ADIPOR2: variants seen among roughly 807,000 people sequenced by gnomAD.
The protein encoded by ADIPOR2 is adiponectin receptor protein 2.
In ADIPOR2, 18 loss-of-function variants were observed where a neutral mutation model predicts 40.9. The ratio of observed to expected loss-of-function variants is 0.44; its 90% CI spans 0.30 to 0.65. The LOEUF is 0.65. Among genes scored for constraint, ADIPOR2 ranks in the 30% least tolerant of loss-of-function variants. The pLI, the probability that ADIPOR2 is intolerant of heterozygous loss-of-function variation, is 0.09. For missense variants in ADIPOR2, 283 were observed against 479.2 expected (o/e 0.59, Z 3.82); for synonymous variants, 165 against 166.4 (o/e 0.99, Z 0.06).
intron 1 of ADIPOR2, among the ~76,000 whole-genome samples, chr12:1,734,972 G>A (rs2094727430): frequency 6.6e-6 from 1 of 152,168 alleles, no homozygotes; most frequent in Admixed American, 6.5e-5. Context: ...TTTGGTACCA[G>A]TACCATGCTG....
intron 2 of ADIPOR2, among the ~76,000 whole-genome samples, chr12:1,761,568 A>G (rs1047510946): frequency 6.6e-6 from 1 of 152,238 alleles, no homozygotes; most frequent in Non-Finnish European, 1.5e-5. Context: ...GTGTGAAACG[A>G]TATTTCATCA....
At chr12:1,695,391 C>T (rs576510283) in intron 1 of ADIPOR2, among the ~76,000 whole-genome samples, 11 of 151,214 alleles carry the variant, frequency 7.3e-5, no homozygotes, top group South Asian at 2.1e-4. Flanking sequence ...TGGTGGCTAA[C>T]GTCGGTAATC....
rs1407819723 is a variant in ADIPOR2, at chr12:1,788,467, C to T, written c.*2395C>T. Reference sequence around the variant, plus strand: ...TTTGGCCCTAGGCTGGTTGGGACCTCTACAGCTTCATTCTTTCACCATTAA... The same window carrying T: ...TTTGGCCCTAGGCTGGTTGGGACCTTTACAGCTTCATTCTTTCACCATTAA... On this transcript the variant is annotated 3_prime_UTR_variant, in exon 8 of 8. Transcript: ENST00000357103. 7.9e-5 allele frequency: 12 copies of T among 152,658 alleles called. No homozygotes were observed. The highest frequency in any genetic ancestry group is 2.4e-4 in the African/African-American group (10 of 41,438). The allele number at this position is 152,658 out of a possible 1,614,324, so 9.5% of individuals were successfully genotyped here.
intron 2 of ADIPOR2, among the ~76,000 whole-genome samples, chr12:1,759,016 A>G (rs1161670071): frequency 6.6e-6 from 1 of 152,238 alleles, no homozygotes; most frequent in Non-Finnish European, 1.5e-5. Flanking sequence ...TGCCGAACAA[A>G]GCTGCCTTTA....
chr12:1,732,881 C>G (rs1592596510), intron 1 of ADIPOR2, among the ~76,000 whole-genome samples: 1 of 151,890 alleles, frequency 6.6e-6, no homozygotes, highest in South Asian at 2.1e-4. Flanking sequence ...TCCATTTTCC[C>G]CTGCCTTAAT....
chr12:1,775,068 C>T (rs1473106463), intron 3 of ADIPOR2, among the ~76,000 whole-genome samples: 1 of 150,124 alleles, frequency 6.7e-6, no homozygotes, highest in East Asian at 2.0e-4. Flanking sequence ...CATCTCCTGA[C>T]CTCGTGATCT....
chr12:1,736,275 T>G (rs1320389728), intron 1 of ADIPOR2, among the ~76,000 whole-genome samples: 1 of 152,234 alleles, frequency 6.6e-6, no homozygotes, highest in African/African-American at 2.4e-5. Flanking sequence ...TTTCAGAGCC[T>G]GTTATTGGTT....
chr12:1,717,101 G>A (rs182898380), intron 1 of ADIPOR2, among the ~76,000 whole-genome samples: 78 of 152,332 alleles, frequency 5.1e-4, no homozygotes, highest in Admixed American at 1.8e-3. Flanking sequence ...AAGTTGAGAT[G>A]AGTCAACTTG....
intron 2 of ADIPOR2, chr12:1,757,594 G>A: frequency 8.4e-7 from 1 of 1,184,156 alleles, no homozygotes; most frequent in South Asian, 1.2e-5. Flanking sequence ...ATGGTGCCGG[G>A]CATCATGAGT....
chr12:1,757,129 G>T, intron 2 of ADIPOR2: 1 of 256,092 alleles, frequency 3.9e-6, no homozygotes, highest in South Asian at 8.3e-5. Flanking sequence ...AAGAATTTCA[G>T]GCTAGCCAAT....
intron 1 of ADIPOR2, 39 bp downstream of exon 1, chr12:1,691,230 T>C (rs1175088622): frequency 6.6e-6 from 1 of 150,802 alleles, no homozygotes; most frequent in East Asian, 2.0e-4. Flanking sequence ...GTCTCTGGAG[T>C]GTGGGCGCCG....
chr12:1,769,487 A>G (rs778998185), intron 2 of ADIPOR2, among the ~76,000 whole-genome samples: 13 of 152,250 alleles, frequency 8.5e-5, no homozygotes, highest in Non-Finnish European at 1.8e-4. Context: ...ATACAAGGGT[A>G]GGAATTGGTC....
At chr12:1,765,749 A>C (rs1309840053) in intron 2 of ADIPOR2, among the ~76,000 whole-genome samples, 1 of 151,804 alleles carries the variant, frequency 6.6e-6, no homozygotes, top group Non-Finnish European at 1.5e-5. Context: ...TTTTTCTTCT[A>C]TAGCCTTCAA....
rs544148730 is a variant in ADIPOR2 at position 1,734,104 on chromosome 12, C to A, written c.-86-20154C>A. On this transcript the variant is annotated intron_variant, in intron 1 of 7. Coordinates refer to ENST00000357103, the MANE Select transcript of ADIPOR2 (RefSeq NM_024551.3). ...GTGTGTCTTTATAGCAGCATGTTCT[C>A]TAATCCTTTGGGTATATACCCAGTA... Among the ~76,000 whole-genome samples, 411 of 152,248 alleles carry A rather than the reference C, an allele frequency of 2.7e-3. 4 individuals are homozygous for A. Among genetic ancestry groups the A allele is most frequent in the Non-Finnish European group, 2.6e-3 (178 of 68,006 alleles).
chr12:1,761,746 G>A (rs981993122), intron 2 of ADIPOR2, among the ~76,000 whole-genome samples: 8 of 152,164 alleles, frequency 5.3e-5, no homozygotes, highest in Non-Finnish European at 8.8e-5. Flanking sequence ...CTCATCATCT[G>A]TTCTGCCATT....
chr12:1,772,736 T>C, intron 2 of ADIPOR2, 106 bp from the exon 3 acceptor site: 1 of 1,384,028 alleles, frequency 7.2e-7, no homozygotes, highest in Non-Finnish European at 9.7e-7. Flanking sequence ...TCTAAGGCCT[T>C]GTTTTGACCT....
chr12:1,779,458 C>A (rs1354790803), intron 4 of ADIPOR2, among the ~76,000 whole-genome samples: 1 of 152,110 alleles, frequency 6.6e-6, no homozygotes, highest in East Asian at 1.9e-4. Context: ...CATGAAATGT[C>A]CAGAACAGGA....
At chr12:1,753,769 G>T (rs117805614) in intron 1 of ADIPOR2, among the ~76,000 whole-genome samples, 2,192 of 152,088 alleles carry the variant, frequency 0.014, 20 homozygotes, top group Middle Eastern at 0.045. Flanking sequence ...GTAAAGCCCA[G>T]TTATAATATA....
intron 2 of ADIPOR2, among the ~76,000 whole-genome samples, chr12:1,756,392 C>A (rs1862131799): frequency 6.6e-6 from 1 of 151,794 alleles, no homozygotes; most frequent in Non-Finnish European, 1.5e-5. Context: ...TTCAAGTGAT[C>A]CGCCACCTTG....
Sources: allele counts gnomAD v4.1 joint callset (sites outside exome capture counted in the v4.1 genomes callset), GRCh38; gene constraint gnomAD v4.1.1; transcripts MANE v1.5; gene names NCBI Gene and HGNC (gene_info 2026-07-23, HGNC 2026-07-21).